TPR: variants seen among roughly 807,000 people sequenced by gnomAD.
TPR encodes translocated promoter region, nuclear basket protein, also known as nucleoprotein TPR.
TPR carries 51 observed loss-of-function variants against 316.1 expected under a neutral mutation model. The observed-to-expected ratio is 0.16, with a 90% CI of 0.13 to 0.20. The LOEUF (loss-of-function observed/expected upper bound fraction) is 0.20. Among genes scored for constraint, TPR ranks in the 10% least tolerant of loss-of-function variants. The pLI is 1.00. For missense variants in TPR, 2,272 were observed against 2,754.8 expected (o/e 0.82, Z 3.92); for synonymous variants, 981 against 914.7 (o/e 1.07, Z -1.31).
At position 186,343,319 on chromosome 1, in the gene TPR, T is replaced by C; in HGVS notation, c.3750+7A>G. On this transcript the variant is annotated splice_region_variant and intron_variant, in intron 27 of 50. Coordinates refer to ENST00000367478, the MANE Select transcript of TPR (RefSeq NM_003292.3). Reference sequence around the variant, plus strand: ...ACAAGTGCTTTCTTAAAGCTTAGTATACCTACCTGGACTTTCTCCCTTTCA... The same window carrying C: ...ACAAGTGCTTTCTTAAAGCTTAGTACACCTACCTGGACTTTCTCCCTTTCA... 1.2e-6 allele frequency: 2 copies of C among 1,610,334 alleles called. No homozygotes were observed.
At chr1:186,363,149 A>G in intron 5 of TPR, 148 bp from the exon 6 acceptor site, 1 of 1,073,782 alleles carries the variant, frequency 9.3e-7, no homozygotes, top group Non-Finnish European at 1.3e-6. Flanking sequence ...GAAAACATTA[A>G]GAACTGTAAC....
rs768278483 is a variant in TPR at position 186,360,311 on chromosome 1, C to T, written c.1153G>A (p.Val385Ile). Reference sequence around the variant, plus strand: ...ATCCCAGGTTTCACTATCTTAGCTACAGCTGCTGCAGTAGGAGACATGGCG... The same window carrying T: ...ATCCCAGGTTTCACTATCTTAGCTATAGCTGCTGCAGTAGGAGACATGGCG... ...LAAMSPTAAA[V>I]AKIVKPGMKL... Residue 385 changes from valine (V) to isoleucine (I), a missense_variant, in exon 11 of 51, where the codon GTA becomes ATA. By Grantham distance (29) the Val-to-Ile change is conservative (BLOSUM62 3). Coordinates refer to ENST00000367478, the MANE Select transcript of TPR (RefSeq NM_003292.3). 1 of 1,613,474 alleles carries T rather than the reference C, an allele frequency of 6.2e-7. No homozygotes were observed. The highest frequency in any genetic ancestry group is 1.1e-5 in the South Asian group (1 of 91,068).
In TPR at chr1:186,338,258, G is replaced by A. The variant is rs1462018120; in HGVS notation, c.4152-15C>T. ...ATGCATTTGATCTTTAAAAAATGGA[G>A]GAAAGAAGAAAGATTAAATATATGA... On this transcript the variant is annotated splice_polypyrimidine_tract_variant and intron_variant, in intron 30 of 50. Transcript: ENST00000367478. The A allele has an allele frequency of 1.9e-6, 3 of 1,579,934 alleles. No individual in the cohort carries two copies. Among genetic ancestry groups the A allele is most frequent in the South Asian group, 1.2e-5 (1 of 85,702 alleles).
In TPR at chr1:186,333,388, T is replaced by G. The variant is rs1224584710; in HGVS notation, c.5189A>C (p.Gln1730Pro). The change falls in exon 37 of 51, where the codon CAG (glutamine) becomes CCG (proline). Residue 1730 changes from glutamine to proline, a missense_variant. Coordinates refer to ENST00000367478, the MANE Select transcript of TPR (RefSeq NM_003292.3). The stretch of plus-strand genomic sequence containing the variant: ...AACATGTTCCACAGGCCCTTCTGAC[T>G]GCATAGCTGAAAAATAATTATAATG... Reference protein sequence around the residue: ...TTQVESQEAMQSEGPVEHVPV... With the variant: ...TTQVESQEAMPSEGPVEHVPV... 6.2e-7 allele frequency: 1 copy of G among 1,612,738 alleles called. No individual in the cohort carries two copies. Among genetic ancestry groups the G allele is most frequent in the African/African-American group, 1.3e-5 (1 of 74,842 alleles).
rs780188815 is a variant in TPR at position 186,344,463 on chromosome 1, C to T, written c.3329G>A (p.Arg1110His). 7.4e-6 allele frequency: 12 copies of T among 1,613,802 alleles called. No individual in the cohort carries two copies. Among genetic ancestry groups the T allele is most frequent in the African/African-American group, 4.0e-5 (3 of 74,924 alleles). ...KEQVSKMASV[R>H]QHLEETTQKA... Reference sequence around the variant, plus strand: ...CTGTGTTGTTTCTTCCAAATGCTGACGGACTGATGCCATTTTTGAAACCTG... The same window carrying T: ...CTGTGTTGTTTCTTCCAAATGCTGATGGACTGATGCCATTTTTGAAACCTG... The change falls in exon 25 of 51, where the codon CGT (arginine) becomes CAT (histidine). Residue 1110 changes from arginine (R) to histidine (H), a missense_variant. Around this residue, in one of 10 missense-constraint regions of TPR, gnomAD observed 757 missense variants for 859.8 expected, o/e 0.88. Transcript: ENST00000367478.
At position 186,375,239 on chromosome 1, in the gene TPR, C is replaced by A; in HGVS notation, c.-211G>T. ...CAGCGTTTCAGCAACAGCACCTCAC[C>A]GCCCGCGACCGAAGTGCGCGCGCAG... On this transcript the variant is annotated 5_prime_UTR_variant, in exon 1 of 51. Transcript: ENST00000367478. 6.9e-7 allele frequency: 1 copy of A among 1,451,352 alleles called. No individual in the cohort carries two copies. Among genetic ancestry groups the A allele is most frequent in the Non-Finnish European group, 9.1e-7 (1 of 1,099,826 alleles). 89.9% of individuals were successfully genotyped at this position (1,451,352 alleles called of 1,614,324 possible).
intron 36 of TPR, 78 bp from the exon 37 acceptor site, chr1:186,333,472 CAT>C: frequency 6.5e-7 from 1 of 1,533,828 alleles, no homozygotes; most frequent in Non-Finnish European, 8.8e-7. Flanking sequence ...TTCTGTGGTA[CAT>C]GTCACCTTTC....
Position 186,375,200 on chromosome 1 carries a change from T to C in TPR, c.-172A>G, listed in dbSNP as rs1387041326. ...CGCGGCGGGACCCTGGGAAATCGAG[T>C]CCACCCTCAGCGGCAGCGTTTCAGC... On this transcript the variant is annotated 5_prime_UTR_variant, in exon 1 of 51. Coordinates refer to ENST00000367478, the MANE Select transcript of TPR (RefSeq NM_003292.3). The C allele has an allele frequency of 6.6e-6, 10 of 1,515,972 alleles. No homozygotes were observed. The highest frequency in any genetic ancestry group is 6.2e-5 in the South Asian group (5 of 81,018). 93.9% of individuals were successfully genotyped at this position (1,515,972 alleles called of 1,614,324 possible). A position where few individuals can be genotyped will look rare whatever the true frequency, so the allele number is the denominator to read the frequency against.
chr1:186,374,870 T>C lies in TPR; in HGVS notation c.151+8A>G, dbSNP rs1211382970. ...CAAAACCAAGGACGGAAAGAGCATCTCACTTACCGCTCTCCACCTTAAATT... is the reference window on the plus strand; with the variant it reads ...CAAAACCAAGGACGGAAAGAGCATCCCACTTACCGCTCTCCACCTTAAATT... On this transcript the variant is annotated splice_region_variant and intron_variant, in intron 1 of 50. Coordinates refer to ENST00000367478, the MANE Select transcript of TPR (RefSeq NM_003292.3). 1.3e-6 allele frequency: 2 copies of C among 1,589,084 alleles called. No homozygotes were observed. The highest frequency in any genetic ancestry group is 3.4e-5 in the Admixed American group (2 of 59,126).
Position 186,361,777 on chromosome 1 carries a change from T to TG in TPR, c.870+11dup. The TG allele has an allele frequency of 6.2e-7, 1 of 1,613,116 alleles. No individual in the cohort carries two copies. Reference sequence around the variant, plus strand: ...AACATTTAGATACTAACATGTGTGGTGGGATATTTACCTTGTACAAATTAG... The same window carrying TG: ...AACATTTAGATACTAACATGTGTGGTGGGGATATTTACCTTGTACAAATTAG... On this transcript the variant is annotated intron_variant, in intron 8 of 50. Transcript: ENST00000367478.
rs1659133300 is a variant in TPR, at chr1:186,359,909, C to T, written c.1279G>A (p.Val427Met). 6.2e-7 allele frequency: 1 copy of T among 1,608,074 alleles called. No individual in the cohort carries two copies. Among genetic ancestry groups the T allele is most frequent in the Non-Finnish European group, 8.5e-7 (1 of 1,178,516 alleles). ...GGTGCTTTGGCTTCCACTTCTTTCACTATTTCATCTAGGTACTTATTAATT... is the reference window on the plus strand; with the variant it reads ...GGTGCTTTGGCTTCCACTTCTTTCATTATTTCATCTAGGTACTTATTAATT... The part of the protein sequence containing the change: ...KRINKYLDEI[V>M]KEVEAKAPIL... The change falls in exon 12 of 51, where the codon GTG becomes ATG. Residue 427 changes from valine (V) to methionine (M), a missense_variant. Val to Met is a conservative substitution (Grantham distance 21). Transcript: ENST00000367478.
In TPR at chr1:186,344,555, C is replaced by T; in HGVS notation, c.3237G>A (p.Gln1079=). 6.3e-7 allele frequency: 1 copy of T among 1,578,618 alleles called. No individual in the cohort carries two copies. The highest frequency in any genetic ancestry group is 8.6e-7 in the Non-Finnish European group (1 of 1,163,664). ...QEQAKIAVEA[Q]NKYERELMLH... The stretch of plus-strand genomic sequence containing the variant: ...GCATCAATTCTCTCTCATACTTATT[C>T]TGAGCTTCCACAGCTATTTTAGCCT... Residue 1079 remains glutamine, a synonymous_variant, in exon 25 of 51, where the codon CAG becomes CAA. Transcript: ENST00000367478.
In TPR at chr1:186,343,396, C is replaced by A; in HGVS notation, c.3680G>T (p.Arg1227Met). ...CAGCTCTCTTTCTAAAAGTTCAACC[C>A]TTTGTCGATAACGCAGACTCTCAAC... ...AQVESLRYRQ[R>M]VELLERELQE... The change falls in exon 27 of 51, where the codon AGG becomes ATG. Residue 1227 changes from arginine (R) to methionine (M), a missense_variant. By Grantham distance (91) the Arg-to-Met change is moderately conservative. Transcript: ENST00000367478. 6.2e-7 allele frequency: 1 copy of A among 1,614,108 alleles called. No homozygotes were observed. Among genetic ancestry groups the A allele is most frequent in the Non-Finnish European group, 8.5e-7 (1 of 1,179,988 alleles).
chr1:186,351,646 AC>A (rs780909759), intron 19 of TPR, among the ~76,000 whole-genome samples, 176 bp from the exon 20 acceptor site: 9 of 152,190 alleles, frequency 5.9e-5, no homozygotes, highest in Non-Finnish European at 1.3e-4. Flanking sequence ...CATCTATTAT[AC>A]AGGAAAGAGA....
In TPR at chr1:186,311,952, A is replaced by C; in HGVS notation, c.*2019T>G. 1 of 555,502 alleles carries C rather than the reference A, an allele frequency of 1.8e-6. No individual in the cohort carries two copies. The highest frequency in any genetic ancestry group is 3.2e-6 in the Non-Finnish European group (1 of 316,746). 34.4% of individuals were successfully genotyped at this position (555,502 alleles called of 1,614,324 possible). On this transcript the variant is annotated 3_prime_UTR_variant, in exon 51 of 51. Coordinates refer to ENST00000367478, the MANE Select transcript of TPR (RefSeq NM_003292.3). ...ACTTGTCACTTTCAATTGAAATTAA[A>C]TATATAACTATGTAATTTGCTGCAT...
intron 24 of TPR, among the ~76,000 whole-genome samples, chr1:186,345,179 A>T (rs141140482): frequency 2.8e-4 from 43 of 152,186 alleles, no homozygotes; most frequent in Non-Finnish European, 7.4e-5. Context: ...TAGTATATAG[A>T]TATCTGCGCA....
intron 23 of TPR, among the ~76,000 whole-genome samples, chr1:186,345,898 G>C (rs1303777672): frequency 6.6e-6 from 1 of 152,042 alleles, no homozygotes; most frequent in Non-Finnish European, 1.5e-5. Flanking sequence ...CATAAGTCAA[G>C]TCTCAGGTAG....
At chr1:186,331,052 G>A (rs2102063339) in intron 39 of TPR, among the ~76,000 whole-genome samples, 1 of 152,056 alleles carries the variant, frequency 6.6e-6, no homozygotes, top group East Asian at 1.9e-4. Context: ...AACTGCTAGG[G>A]GAACCTCAAT....
Position 186,313,994 on chromosome 1 carries a change from T to C in TPR, c.7069A>G (p.Ile2357Val). The change falls in exon 51 of 51, where the codon ATA becomes GTA. Residue 2357 changes from isoleucine to valine, a missense_variant. Around this residue, in one of 10 missense-constraint regions of TPR, gnomAD observed 123 missense variants for 142.3 expected, o/e 0.86. Coordinates refer to ENST00000367478, the MANE Select transcript of TPR (RefSeq NM_003292.3). ...VSHAMGGRGG[I>V]NRGNIN ...ATTTAATTAATATTTCCTCTGTTTA[T>C]TCCTCCTCTCCCTCCCATTGCATGG... 2 of 1,611,902 alleles carry C rather than the reference T, an allele frequency of 1.2e-6. No individual in the cohort carries two copies. The highest frequency in any genetic ancestry group is 2.2e-5 in the South Asian group (2 of 91,038).
Sources: allele counts gnomAD v4.1 joint callset (sites outside exome capture counted in the v4.1 genomes callset), GRCh38; gene constraint gnomAD v4.1.1; regional missense constraint gnomAD v4.1.1; transcripts MANE v1.5; gene names NCBI Gene and HGNC (gene_info 2026-07-23, HGNC 2026-07-21).